Variants in CACNA1C observed in about 807,000 individuals in gnomAD.
CACNA1C encodes calcium voltage-gated channel subunit alpha1 C.
CACNA1C carries 30 observed loss-of-function variants against 229.0 expected under a neutral mutation model. That is an observed-to-expected ratio of 0.13 (90% CI 0.10 to 0.18). The LOEUF (loss-of-function observed/expected upper bound fraction) is 0.18, where lower values mean the gene tolerates loss of function less well. CACNA1C is among the 10% of genes least tolerant of loss of function. The pLI, the probability that CACNA1C is intolerant of heterozygous loss-of-function variation, is 1.00. For missense variants in CACNA1C, 1,658 were observed against 2,845.0 expected, an observed-to-expected ratio of 0.58 and a Z score of 9.49; for synonymous variants, 1,114 against 1,132.5, an observed-to-expected ratio of 0.98 and a Z score of 0.33.
chr12:2,360,162 C>CT (rs2097521602), intron 3 of CACNA1C, among the ~76,000 whole-genome samples: 1 of 106,422 alleles, frequency 9.4e-6, no homozygotes, highest in East Asian at 3.4e-4. Flanking sequence ...CCCCACCCCC[C>CT]CCCACCCCCC....
intron 38 of CACNA1C, among the ~76,000 whole-genome samples, 190 bp downstream of exon 38, chr12:2,669,225 A>C (rs2096413605): frequency 6.6e-6 from 1 of 152,030 alleles, no homozygotes; most frequent in Non-Finnish European, 1.5e-5. Context: ...TTTGCTCCTG[A>C]ATGGTCTCCC....
At chr12:2,305,158 G>C (rs1566964402) in intron 3 of CACNA1C, among the ~76,000 whole-genome samples, 1 of 152,170 alleles carries the variant, frequency 6.6e-6, no homozygotes, top group African/African-American at 2.4e-5. Context: ...ACACTGCAGG[G>C]CTATTTCTTT....
intron 3 of CACNA1C, among the ~76,000 whole-genome samples, chr12:2,428,748 G>A (rs1027724836): frequency 6.6e-6 from 1 of 152,226 alleles, no homozygotes; most frequent in Admixed American, 6.5e-5. Flanking sequence ...AAGAAAGAGA[G>A]CTCATTAAAG....
At chr12:2,332,102 T>C (rs1256512665) in intron 3 of CACNA1C, among the ~76,000 whole-genome samples, 1 of 152,232 alleles carries the variant, frequency 6.6e-6, no homozygotes, top group Admixed American at 6.5e-5. Flanking sequence ...ATAAAATACA[T>C]GCTGAAGTAT....
chr12:2,043,893 G>C (rs2050620168), intron 1 of CACNA1C, among the ~76,000 whole-genome samples: 1 of 150,986 alleles, frequency 6.6e-6, no homozygotes. Flanking sequence ...CTGACCTCAT[G>C]ATCCACCCGC....
At chr12:2,048,134 A>T (rs1236041225), upstream of CACNA1C, among the ~76,000 whole-genome samples, 6 of 152,212 alleles carry the variant, frequency 3.9e-5, no homozygotes, top group Non-Finnish European at 1.5e-5. Context: ...CTTCATGTCC[A>T]CCTTCCAGAG....
At chr12:2,473,223 T>A (rs2099602324) in intron 5 of CACNA1C, among the ~76,000 whole-genome samples, 1 of 152,160 alleles carries the variant, frequency 6.6e-6, no homozygotes, top group Non-Finnish European at 1.5e-5. Context: ...TGGTTTCACC[T>A]TGTACCTGTA....
rs1195074740 is a variant in CACNA1C, at chr12:1,971,101, C to G, written c.39C>G (p.Tyr13Ter). The G allele has an allele frequency of 4.7e-6, 6 of 1,289,368 alleles. No homozygotes were observed. The highest frequency in any genetic ancestry group is 1.2e-5 in the South Asian group (1 of 81,020). 79.9% of individuals were successfully genotyped at this position (1,289,368 alleles called of 1,614,324 possible). ...TTGTTCAGCCTGGTACGCCTGCATA[C>G]CAGCCGCTTCCCAGCCACCTGTCTG... The change falls in exon 1 of 47, where the codon TAC becomes TAG. Residue 13 changes from tyrosine to a stop codon, truncating the protein, a stop_gained. Transcript: ENST00000682462. LOFTEE classifies it high-confidence loss of function. This position sits in a 1 kb window ranked among gnomAD's most constrained non-coding sequence, Gnocchi z 4.2.
chr12:2,634,802 T>C (rs1343471820), intron 30 of CACNA1C, among the ~76,000 whole-genome samples: 1 of 151,946 alleles, frequency 6.6e-6, no homozygotes, highest in Non-Finnish European at 1.5e-5. Flanking sequence ...TTCCCTACTC[T>C]CTCCTTTGCA....
At position 2,391,290 on chromosome 12, in the gene CACNA1C, G is replaced by A. The variant is rs534725832; in HGVS notation, c.478-57686G>A. ...GTTTGTATCTATGGGTCTGGGGCTC[G>A]AGGGACAGATTCATGTCAGAAATAC... On this transcript the variant is annotated intron_variant, in intron 3 of 46. Coordinates refer to ENST00000399655, the MANE Select transcript of CACNA1C (RefSeq NM_000719.7). Among the ~76,000 whole-genome samples the A allele has an allele frequency of 3.9e-5, 6 of 152,302 alleles. No homozygotes were observed. The East Asian group carries it at 5.8e-4, about 15-fold the overall frequency.
In CACNA1C at chr12:2,666,837, C is replaced by T. The variant is rs2096147603; in HGVS notation, c.4623+55C>T. 9.5e-7 allele frequency: 1 copy of T among 1,048,504 alleles called. No individual in the cohort carries two copies. The highest frequency in any genetic ancestry group is 1.4e-6 in the Non-Finnish European group (1 of 690,344). The allele number at this position is 1,048,504 out of a possible 1,614,324, so 65.0% of individuals were successfully genotyped here. Reference sequence around the variant, plus strand: ...GAGGGAAAATAGGGGAAGTGAAGTGCCCATTTCTTGTGATCCTTTAAGGGA... The same window carrying T: ...GAGGGAAAATAGGGGAAGTGAAGTGTCCATTTCTTGTGATCCTTTAAGGGA... On this transcript the variant is annotated intron_variant, in intron 37 of 46. Transcript: ENST00000399655. The surrounding 1 kb of genome is among the most constrained non-coding windows in gnomAD (Gnocchi z 5.3).
chr12:2,446,219 ATGGATGGATGGATGGG>A (rs1264754142), intron 3 of CACNA1C, among the ~76,000 whole-genome samples: 2 of 140,582 alleles, frequency 1.4e-5, no homozygotes, highest in Non-Finnish European at 3.1e-5. Flanking sequence ...GGATGGATGG[ATGGATGGATGGATGGG>A]TAGGTGGGTG....
chr12:2,631,803 G>A (rs1367349211), intron 29 of CACNA1C, among the ~76,000 whole-genome samples: 7 of 152,252 alleles, frequency 4.6e-5, no homozygotes, highest in East Asian at 1.9e-4. Context: ...GTTTTCTTTC[G>A]GCAGAAATGC....
chr12:2,536,316 G>T (rs535936522), intron 9 of CACNA1C, among the ~76,000 whole-genome samples: 2 of 152,216 alleles, frequency 1.3e-5, no homozygotes, highest in Non-Finnish European at 2.9e-5. Context: ...GTAAAACTCT[G>T]ACTTCCGTAC....
At chr12:2,003,254 TAC>T (rs1029738977) in intron 1 of CACNA1C, among the ~76,000 whole-genome samples, 20 of 152,258 alleles carry the variant, frequency 1.3e-4, no homozygotes, top group Non-Finnish European at 2.4e-4. Context: ...TTAAAAAAAA[TAC>T]AGAGTTGTTC....
rs2094695746 is a variant in CACNA1C at position 2,649,437 on chromosome 12, C to T, written c.3945+930C>T. ...CTGGCGCTGCCTGGCCACAAGGCTG[C>T]CACAGGAAAGGCTGAGCCCGGGTGC... On this transcript the variant is annotated intron_variant, in intron 31 of 46. Transcript: ENST00000399655. This position sits in a 1 kb window ranked among gnomAD's most constrained non-coding sequence, Gnocchi z 4.4. 6.6e-6 allele frequency among the ~76,000 whole-genome samples: 1 copy of T among 152,224 alleles called. No homozygotes were observed. The highest frequency in any genetic ancestry group is 1.5e-5 in the Non-Finnish European group (1 of 68,040).
chr12:2,353,296 C>T (rs1333886749), intron 3 of CACNA1C, among the ~76,000 whole-genome samples: 1 of 152,110 alleles, frequency 6.6e-6, no homozygotes, highest in African/African-American at 2.4e-5. Flanking sequence ...GCCTGACTCA[C>T]ACAGCAGAGT....
chr12:2,497,976 C>A (rs928588090), intron 7 of CACNA1C, among the ~76,000 whole-genome samples: 1 of 150,440 alleles, frequency 6.6e-6, no homozygotes, highest in Non-Finnish European at 1.5e-5. Flanking sequence ...AATTCACACA[C>A]ACACACACAC....
At position 2,518,435 on chromosome 12, in the gene CACNA1C, C is replaced by T. The variant is rs187086422; in HGVS notation, c.1390+5451C>T. ...CATCCTGGCTAACACAGTGAAACCCCGTCTCTACTAAAAATACAAAAAATT... is the reference window on the plus strand; with the variant it reads ...CATCCTGGCTAACACAGTGAAACCCTGTCTCTACTAAAAATACAAAAAATT... On this transcript the variant is annotated intron_variant, in intron 9 of 46. Transcript: ENST00000399655. Among the ~76,000 whole-genome samples the T allele has an allele frequency of 4.4e-4, 67 of 152,160 alleles. 1 individual carries two copies. In the East Asian group the frequency reaches 0.011, roughly 25 times the overall value.
Sources: gnomAD v4.1 joint callset for allele counts (sites outside exome capture counted in the v4.1 genomes callset) on GRCh38, gnomAD v4.1.1 for gene constraint, Gnocchi (gnomAD v3.1) non-coding constraint, MANE v1.5 for transcripts, NCBI Gene and HGNC (gene_info 2026-07-23, HGNC 2026-07-21) for gene names.